Variants in ACOXL observed in about 807,000 individuals in gnomAD.
The protein encoded by ACOXL is acyl-coenzyme A oxidase-like protein.
ACOXL carries 70 observed loss-of-function variants against 71.9 expected under a neutral mutation model. That is an observed-to-expected ratio of 0.97 (90% CI 0.80 to 1.19). The LOEUF is 1.19. ACOXL is among the 50% of genes most tolerant of loss of function. The pLI is 0.00. For missense variants in ACOXL, 703 were observed against 736.3 expected, an observed-to-expected ratio of 0.95 and a Z score of 0.52; for synonymous variants, 253 against 281.6, an observed-to-expected ratio of 0.90 and a Z score of 1.02.
At chr2:110,855,907 C>A (rs903626161) in intron 10 of ACOXL, among the ~76,000 whole-genome samples, 1 of 152,064 alleles carries the variant, frequency 6.6e-6, no homozygotes, top group Non-Finnish European at 1.5e-5. Flanking sequence ...GGGACCCCAG[C>A]GGGTTGCCGC....
intron 17 of ACOXL, among the ~76,000 whole-genome samples, chr2:111,116,080 G>A (rs1452195082): frequency 2.6e-5 from 4 of 152,118 alleles, no homozygotes. Flanking sequence ...CAAACCCAAA[G>A]GGAAAATTAT....
At chr2:111,105,324 T>C (rs1012393677) in intron 17 of ACOXL, among the ~76,000 whole-genome samples, 18 of 152,272 alleles carry the variant, frequency 1.2e-4, no homozygotes, top group African/African-American at 4.1e-4. Context: ...TCCTTTGCCT[T>C]TTTATAGAAA....
intron 10 of ACOXL, among the ~76,000 whole-genome samples, chr2:110,883,543 T>C (rs1573980014): frequency 1.3e-5 from 2 of 152,352 alleles, no homozygotes; most frequent in African/African-American, 4.8e-5. Context: ...GTGTCCTAAC[T>C]TTGGACAGTA....
intron 16 of ACOXL, among the ~76,000 whole-genome samples, chr2:111,076,067 T>C (rs534558817): frequency 6.6e-6 from 1 of 152,210 alleles, no homozygotes; most frequent in Non-Finnish European, 1.5e-5. Context: ...TAGAATGTTA[T>C]AATGTCAAGA....
At chr2:111,055,952 T>C (rs914618557) in intron 16 of ACOXL, among the ~76,000 whole-genome samples, 1 of 152,112 alleles carries the variant, frequency 6.6e-6, no homozygotes, top group Non-Finnish European at 1.5e-5. Context: ...GAAGTAAGAG[T>C]GTGGCTGGCA....
At chr2:111,082,141 A>T (rs76973812) in intron 16 of ACOXL, among the ~76,000 whole-genome samples, 2 of 152,144 alleles carry the variant, frequency 1.3e-5, no homozygotes, top group African/African-American at 4.8e-5. Context: ...CACCAAAAGC[A>T]ATGCCAATGA....
intron 10 of ACOXL, among the ~76,000 whole-genome samples, chr2:110,847,470 AAC>A (rs1162107652): frequency 4.6e-5 from 7 of 152,294 alleles, no homozygotes; most frequent in South Asian, 2.1e-4. Flanking sequence ...ACTAATTCCT[AAC>A]ACAACGATTT....
intron 12 of ACOXL, among the ~76,000 whole-genome samples, chr2:110,967,615 A>G (rs1574318766): frequency 6.6e-6 from 1 of 152,362 alleles, no homozygotes. Context: ...ATAAGACTAT[A>G]TAATGTGATA....
intron 1 of ACOXL, among the ~76,000 whole-genome samples, chr2:110,735,612 C>A (rs1676738260): frequency 6.6e-6 from 1 of 152,194 alleles, no homozygotes; most frequent in Non-Finnish European, 1.5e-5. Context: ...TAGGCACAGC[C>A]CAGGTTCCTC....
At chr2:110,859,497 T>C (rs954522842) in intron 10 of ACOXL, among the ~76,000 whole-genome samples, 3 of 152,138 alleles carry the variant, frequency 2.0e-5, no homozygotes, top group East Asian at 1.9e-4. Flanking sequence ...GGGAGACTTA[T>C]TGGGGCAAGC....
rs187125978 is a variant in ACOXL at position 111,070,338 on chromosome 2, G to A, written c.1440+21050G>A. ...ACTGTACAGCCACAAAAAAGAATGA[G>A]CTCGTGTCTTTTACGGGAACATGGA... On this transcript the variant is annotated intron_variant, in intron 16 of 17. Transcript: ENST00000439055. Among the ~76,000 whole-genome samples the A allele has an allele frequency of 1.0e-3, 157 of 152,264 alleles. 1 individual carries two copies. Among genetic ancestry groups the A allele is most frequent in the African/African-American group, 3.8e-3 (156 of 41,554 alleles).
At chr2:110,968,974 T>C (rs1012006628) in intron 12 of ACOXL, among the ~76,000 whole-genome samples, 5 of 152,166 alleles carry the variant, frequency 3.3e-5, no homozygotes, top group Non-Finnish European at 7.4e-5. Context: ...CAGAATATGT[T>C]TTCTCATCAT....
chr2:111,034,972 T>C (rs1976056), intron 15 of ACOXL, among the ~76,000 whole-genome samples: 37,124 of 151,044 alleles, frequency 0.25, 5,221 homozygotes, highest in African/African-American at 0.37. Flanking sequence ...GGCTGGAGTG[T>C]AGTGGCATGA....
In ACOXL at chr2:111,064,442, AAAAC is replaced by A. The variant is rs1477056181; in HGVS notation, c.1440+15158_1440+15161del. 2.1e-3 allele frequency among the ~76,000 whole-genome samples: 316 copies of A among 151,420 alleles called. 9 individuals carry two copies. The highest frequency in any genetic ancestry group is 7.2e-3 in the African/African-American group (299 of 41,254). ...AAGAGCGACACTCCATCTCAAAAAA[AAAAC>A]AAAAAAAAAACAACAACTATATAGT... On this transcript the variant is annotated intron_variant, in intron 16 of 17. Coordinates refer to ENST00000439055, the MANE Select transcript of ACOXL (RefSeq NM_001142807.4).
rs1298119999 is a variant in ACOXL, at chr2:111,092,922, C to T, written c.1498C>T (p.His500Tyr). The change falls in exon 17 of 18, where the codon CAT (histidine) becomes TAT (tyrosine). Residue 500 changes from histidine to tyrosine, a missense_variant. His to Tyr is a moderately conservative substitution (Grantham distance 83). Coordinates refer to ENST00000439055, the MANE Select transcript of ACOXL (RefSeq NM_001142807.4). ...VFQERAWYLEHKYLTPMASTR... is the reference protein window; with the variant it reads ...VFQERAWYLEYKYLTPMASTR... ...TCAGGAGCGGGCCTGGTATTTAGAA[C>T]ATAAATACTTGACTCCCATGGCCAG... 2 of 1,613,798 alleles carry T rather than the reference C, an allele frequency of 1.2e-6. No individual in the cohort carries two copies. Among genetic ancestry groups the T allele is most frequent in the South Asian group, 1.1e-5 (1 of 91,068 alleles).
chr2:110,874,990 C>T (rs10165663), intron 10 of ACOXL, among the ~76,000 whole-genome samples: 50,154 of 151,926 alleles, frequency 0.33, 8,458 homozygotes, highest in Middle Eastern at 0.39. Context: ...GTCCTGCCAC[C>T]GGCAGGATTT....
At chr2:111,036,028 G>C (rs990858332) in intron 15 of ACOXL, among the ~76,000 whole-genome samples, 5 of 152,340 alleles carry the variant, frequency 3.3e-5, no homozygotes, top group African/African-American at 1.2e-4. Context: ...CAGTAGTCCT[G>C]TGTGAATCTA....
chr2:111,061,706 T>C (rs1303251446), intron 16 of ACOXL, among the ~76,000 whole-genome samples: 1 of 152,092 alleles, frequency 6.6e-6, no homozygotes, highest in Non-Finnish European at 1.5e-5. Context: ...TAGACTATTA[T>C]AAACAAGGGA....
chr2:110,762,802 C>T (rs993129322), intron 1 of ACOXL, among the ~76,000 whole-genome samples: 1 of 152,060 alleles, frequency 6.6e-6, no homozygotes, highest in African/African-American at 2.4e-5. Context: ...ACTACACATG[C>T]ACACAACCAC....
Sources: gnomAD v4.1 joint callset for allele counts (sites outside exome capture counted in the v4.1 genomes callset) on GRCh38, gnomAD v4.1.1 for gene constraint, MANE v1.5 for transcripts, NCBI Gene and HGNC (gene_info 2026-07-23, HGNC 2026-07-21) for gene names.